COL10A1: variants seen among roughly 807,000 people sequenced by gnomAD.
COL10A1 encodes the protein collagen type X alpha 1 chain.
COL10A1 carries 10 observed loss-of-function variants against 18.2 expected under a neutral mutation model. The observed-to-expected ratio is 0.55, with a 90% CI of 0.34 to 0.93. The LOEUF (loss-of-function observed/expected upper bound fraction) is 0.93, where lower values mean the gene tolerates loss of function less well. Among genes scored for constraint, COL10A1 ranks in the 40% least tolerant of loss-of-function variants. The pLI is 0.02. For synonymous variants in COL10A1, 330 were observed against 316.6 expected, an observed-to-expected ratio of 1.04 and a Z score of -0.45; for missense variants, 897 against 853.5, an observed-to-expected ratio of 1.05 and a Z score of -0.64.
chr6:116,140,125 T>C (rs1031512890), intron 1 of COL10A1, among the ~76,000 whole-genome samples: 9 of 152,324 alleles, frequency 5.9e-5, no homozygotes, highest in Admixed American at 3.3e-4. Context: ...GCCGCCCTCC[T>C]ATGGACACCA....
At chr6:116,163,359 A>G (rs962000750), upstream of COL10A1, among the ~76,000 whole-genome samples, 1 of 151,310 alleles carries the variant, frequency 6.6e-6, no homozygotes. Flanking sequence ...GGGAGGTTGT[A>G]TGTTTCTGGA....
At chr6:116,173,701 C>T in the COL10A1 span, among the ~76,000 whole-genome samples, 30 of 151,936 alleles carry the variant, frequency 2.0e-4, no homozygotes, top group African/African-American at 7.0e-4. Flanking sequence ...TTGTCTTATA[C>T]ACTTTGTTTT....
chr6:116,164,033 G>A, the COL10A1 span, among the ~76,000 whole-genome samples: 1 of 152,158 alleles, frequency 6.6e-6, no homozygotes, highest in African/African-American at 2.4e-5. Flanking sequence ...CAATTTTAAA[G>A]AAAGTTCCAT....
the COL10A1 span, among the ~76,000 whole-genome samples, chr6:116,196,731 T>G: frequency 5.3e-5 from 8 of 151,934 alleles, no homozygotes; most frequent in African/African-American, 9.7e-5. Flanking sequence ...GTTTGCTGCT[T>G]CTTAACTCTG....
chr6:116,188,935 A>G, the COL10A1 span, among the ~76,000 whole-genome samples: 9 of 151,950 alleles, frequency 5.9e-5, no homozygotes, highest in Non-Finnish European at 1.3e-4. Flanking sequence ...TGCAGAGTGG[A>G]GTTTAATTTA....
the COL10A1 span, among the ~76,000 whole-genome samples, chr6:116,181,757 G>C: frequency 6.6e-6 from 1 of 151,764 alleles, no homozygotes; most frequent in Non-Finnish European, 1.5e-5. Context: ...AATAACTGAA[G>C]ACCTAAATAA....
Position 116,125,505 on chromosome 6 carries a change from A to T in COL10A1, c.-13T>A. The T allele has an allele frequency of 1.9e-6, 3 of 1,613,142 alleles. No individual in the cohort carries two copies. Among genetic ancestry groups the T allele is most frequent in the Non-Finnish European group, 1.7e-6 (2 of 1,179,264 alleles). Reference sequence around the variant, plus strand: ...TTTGTGGCAGCATATTCTCAGATGGATTCTGAAAAACAGAAAAGAATAACT... The same window carrying T: ...TTTGTGGCAGCATATTCTCAGATGGTTTCTGAAAAACAGAAAAGAATAACT... On this transcript the variant is annotated splice_region_variant and 5_prime_UTR_variant, in exon 2 of 3. Coordinates refer to ENST00000651968, the MANE Select transcript of COL10A1 (RefSeq NM_000493.4).
In COL10A1 at chr6:116,119,583, T is replaced by G. The variant is rs1216293172; in HGVS notation, c.*490A>C. The G allele has an allele frequency of 6.2e-6, 1 of 161,060 alleles. No individual in the cohort carries two copies. The highest frequency in any genetic ancestry group is 1.8e-4 in the East Asian group (1 of 5,412). 10.0% of individuals were successfully genotyped at this position (161,060 alleles called of 1,614,324 possible). A position where few individuals can be genotyped will look rare whatever the true frequency, so the allele number is the denominator to read the frequency against. The stretch of plus-strand genomic sequence containing the variant: ...AAATATTTTAGGGGATACAGTGTCT[T>G]TTAAATTTGAATATTCAAGTATTTA... On this transcript the variant is annotated 3_prime_UTR_variant, in exon 3 of 3. Transcript: ENST00000651968.
chr6:116,198,423 C>T, the COL10A1 span, among the ~76,000 whole-genome samples: 1 of 151,936 alleles, frequency 6.6e-6, no homozygotes, highest in Admixed American at 6.6e-5. Flanking sequence ...TTCTTCTATT[C>T]GTCCCATACA....
At chr6:116,183,090 G>T in the COL10A1 span, among the ~76,000 whole-genome samples, 2 of 152,036 alleles carry the variant, frequency 1.3e-5, no homozygotes, top group South Asian at 4.1e-4. Flanking sequence ...TCTTCTACAT[G>T]TGGCTTGTCA....
chr6:116,194,058 C>A, the COL10A1 span, among the ~76,000 whole-genome samples: 3 of 151,664 alleles, frequency 2.0e-5, no homozygotes, highest in Admixed American at 1.3e-4. Flanking sequence ...ACAACAACAA[C>A]AACAAAAGAA....
At chr6:116,188,888 G>T in the COL10A1 span, among the ~76,000 whole-genome samples, 864 of 151,746 alleles carry the variant, frequency 5.7e-3, 17 homozygotes, top group South Asian at 0.046. Context: ...TTTTTAATTT[G>T]GATCTGTTTA....
intron 1 of COL10A1, among the ~76,000 whole-genome samples, chr6:116,152,118 A>T (rs1407482237): frequency 6.6e-6 from 1 of 152,212 alleles, no homozygotes. Flanking sequence ...TGTATGTCAC[A>T]ATCTATTTTC....
chr6:116,188,625 A>G, the COL10A1 span, among the ~76,000 whole-genome samples: 1 of 152,022 alleles, frequency 6.6e-6, no homozygotes, highest in African/African-American at 2.4e-5. Flanking sequence ...CAGAAAAGTA[A>G]GGATGTACCA....
intron 1 of COL10A1, among the ~76,000 whole-genome samples, chr6:116,148,572 G>T (rs1057353412): frequency 6.6e-6 from 1 of 152,110 alleles, no homozygotes; most frequent in East Asian, 1.9e-4. Flanking sequence ...TTAATTAATA[G>T]AAGTATTACT....
chr6:116,149,419 A>G (rs1239586405), intron 1 of COL10A1, among the ~76,000 whole-genome samples: 1 of 152,172 alleles, frequency 6.6e-6, no homozygotes, highest in Non-Finnish European at 1.5e-5. Context: ...CATTTTTAGG[A>G]TTATGATTTT....
upstream of COL10A1, among the ~76,000 whole-genome samples, chr6:116,127,007 TA>T (rs1255781027): frequency 1.3e-5 from 2 of 152,300 alleles, no homozygotes; most frequent in Admixed American, 1.3e-4. Context: ...TTTAGGATCC[TA>T]AAAAATCTAA....
chr6:116,168,653 A>G, the COL10A1 span, among the ~76,000 whole-genome samples: 2 of 150,184 alleles, frequency 1.3e-5, no homozygotes, highest in Non-Finnish European at 1.5e-5. Flanking sequence ...TTTATATTAT[A>G]TTGTCTCCTT....
chr6:116,177,409 T>A, the COL10A1 span, among the ~76,000 whole-genome samples: 1 of 152,194 alleles, frequency 6.6e-6, no homozygotes, highest in South Asian at 2.1e-4. Flanking sequence ...CTCACCACTC[T>A]AAATATTAGA....
Sources: gnomAD v4.1 joint callset for allele counts (sites outside exome capture counted in the v4.1 genomes callset) on GRCh38, gnomAD v4.1.1 for gene constraint, MANE v1.5 for transcripts, NCBI Gene and HGNC (gene_info 2026-07-23, HGNC 2026-07-21) for gene names.